PLCH2: variants seen among roughly 807,000 people sequenced by gnomAD.
The protein encoded by PLCH2 is 1-phosphatidylinositol 4,5-bisphosphate phosphodiesterase eta-2.
In PLCH2, 98 loss-of-function variants were observed where a neutral mutation model predicts 134.7. The observed-to-expected ratio is 0.73, with a 90% CI of 0.62 to 0.86. The LOEUF (loss-of-function observed/expected upper bound fraction) is 0.86, where lower values mean the gene tolerates loss of function less well. Among genes scored for constraint, PLCH2 ranks in the 40% least tolerant of loss-of-function variants. The probability of loss-of-function intolerance (pLI) is 0.00; values close to 1 mark genes in which losing one functional copy is unlikely to be tolerated. For missense variants in PLCH2, 1,994 were observed against 1,986.6 expected, an observed-to-expected ratio of 1.00 and a Z score of -0.07; for synonymous variants, 974 against 827.5, an observed-to-expected ratio of 1.18 and a Z score of -3.04.
intron 8 of PLCH2, 92 bp from the exon 9 acceptor site, chr1:2,489,115 T>C (rs1256397358): frequency 6.0e-6 from 7 of 1,166,534 alleles, no homozygotes; most frequent in Non-Finnish European, 8.6e-6. Flanking sequence ...CCTCATTCAA[T>C]GGTTTAGATG....
chr1:2,420,639 AGAGG>A, the PLCH2 span, among the ~76,000 whole-genome samples: 1 of 152,276 alleles, frequency 6.6e-6, no homozygotes, highest in East Asian at 1.9e-4. Context: ...ACTGAGTCAG[AGAGG>A]GAGAGTTTAA....
intron 11 of PLCH2, 146 bp from the exon 12 acceptor site, chr1:2,494,710 C>T (rs2182177): frequency 3.7e-6 from 2 of 544,968 alleles, no homozygotes; most frequent in East Asian, 3.6e-5. Flanking sequence ...CCCCGCCCTG[C>T]CCTCCCCTCC....
intron 2 of PLCH2, among the ~76,000 whole-genome samples, chr1:2,454,851 T>G (rs1640412296): frequency 6.6e-6 from 1 of 152,130 alleles, no homozygotes; most frequent in Non-Finnish European, 1.5e-5. Context: ...AGTGGCAGTG[T>G]GGGTGAGACA....
intron 2 of PLCH2, among the ~76,000 whole-genome samples, chr1:2,443,052 T>C (rs970585661): frequency 6.6e-6 from 1 of 151,672 alleles, no homozygotes; most frequent in African/African-American, 2.4e-5. Context: ...AGTGGAAGAG[T>C]TGACTGGTGT....
In PLCH2 at chr1:2,448,212, G is replaced by A. The variant is rs1640029726; in HGVS notation, c.115+17583G>A. On this transcript the variant is annotated intron_variant, in intron 2 of 3. Coordinates refer to the PLCH2 transcript ENST00000609981. This position sits in a 1 kb window ranked among gnomAD's most constrained non-coding sequence, Gnocchi z 4.0. ...GAGGGGTGTGTTTCCTGCAGCTGCT[G>A]GGACCGGCTGCCGTGCACTGGCCAC... Among the ~76,000 whole-genome samples, 1 of 152,226 alleles carries A rather than the reference G, an allele frequency of 6.6e-6. No homozygotes were observed. The highest frequency in any genetic ancestry group is 1.5e-5 in the Non-Finnish European group (1 of 68,030).
rs749192490 is a variant in PLCH2, at chr1:2,504,873, G to A, written c.3911G>A (p.Arg1304His). The change falls in exon 22 of 22, where the codon CGC (arginine) becomes CAC (histidine). Residue 1304 changes from arginine to histidine, a missense_variant. Transcript: ENST00000378486. ...VRRDTLTEQL[R>H]WLTVFQQAGD... Reference sequence around the variant, plus strand: ...CGGGACACCCTGACAGAGCAGCTGCGCTGGCTCACTGTCTTCCAGCAGGCA... The same window carrying A: ...CGGGACACCCTGACAGAGCAGCTGCACTGGCTCACTGTCTTCCAGCAGGCA... 83 of 1,594,076 alleles carry A rather than the reference G, an allele frequency of 5.2e-5. 1 individual carries two copies. The highest frequency in any genetic ancestry group is 1.7e-5 in the Admixed American group (1 of 58,364).
intron 16 of PLCH2, 175 bp downstream of exon 16, chr1:2,497,784 G>A (rs750987204): frequency 2.5e-5 from 14 of 551,314 alleles, no homozygotes; most frequent in Non-Finnish European, 4.6e-5. Flanking sequence ...GGAGGTGGGT[G>A]GGGGAACCCT....
upstream of PLCH2, among the ~76,000 whole-genome samples, chr1:2,474,613 AAGGG>A (rs990672250): frequency 6.6e-6 from 1 of 151,926 alleles, no homozygotes; most frequent in African/African-American, 2.4e-5. Context: ...CTGAGAGCTC[AAGGG>A]AGGGAGGGAG....
chr1:2,499,839 C>G (rs1643118862), intron 20 of PLCH2, 119 bp downstream of exon 20: 1 of 790,954 alleles, frequency 1.3e-6, no homozygotes, highest in African/African-American at 1.7e-5. Flanking sequence ...GGCCTAGGGT[C>G]CCCTCCCCGG....
At chr1:2,442,445 G>A (rs1317987135) in intron 2 of PLCH2, among the ~76,000 whole-genome samples, 1 of 152,164 alleles carries the variant, frequency 6.6e-6, no homozygotes, top group African/African-American at 2.4e-5. Flanking sequence ...CCCACCCCTG[G>A]CCTCCTCCCT....
intron 2 of PLCH2, among the ~76,000 whole-genome samples, chr1:2,456,384 G>T (rs1640493852): frequency 2.0e-5 from 3 of 152,318 alleles, no homozygotes; most frequent in Admixed American, 2.0e-4. Flanking sequence ...GGCGGCCCTG[G>T]GGGGCGGGTG....
At chr1:2,464,616 C>T (rs1640970723), upstream of PLCH2, among the ~76,000 whole-genome samples, 1 of 152,208 alleles carries the variant, frequency 6.6e-6, no homozygotes, top group Admixed American at 6.5e-5. Context: ...CCTCCTGCTC[C>T]CCCAAGCCAA....
chr1:2,503,014 C>T (rs946360684), intron 21 of PLCH2: 14 of 714,934 alleles, frequency 2.0e-5, no homozygotes, highest in African/African-American at 3.5e-5. Context: ...CTCGTGTGCT[C>T]GTGCTCGTGG....
At chr1:2,495,607 C>A in intron 13 of PLCH2, 37 bp downstream of exon 13, 3 of 1,450,070 alleles carry the variant, frequency 2.1e-6, no homozygotes, top group Non-Finnish European at 2.8e-6. Flanking sequence ...CCCGCACACT[C>A]CTGGGAGCCT....
At chr1:2,482,051 C>T (rs1641998868) in intron 4 of PLCH2, among the ~76,000 whole-genome samples, 1 of 152,234 alleles carries the variant, frequency 6.6e-6, no homozygotes, top group Admixed American at 6.5e-5. Flanking sequence ...GGCCTAATTG[C>T]CAGAGTGCGC....
intron 2 of PLCH2, among the ~76,000 whole-genome samples, chr1:2,447,552 C>T (rs1639999323): frequency 6.6e-6 from 1 of 152,226 alleles, no homozygotes. Context: ...GGAGGGGCCG[C>T]TGACCCGGAG....
At chr1:2,419,965 C>A in the PLCH2 span, among the ~76,000 whole-genome samples, 1 of 150,786 alleles carries the variant, frequency 6.6e-6, no homozygotes, top group African/African-American at 2.4e-5. Flanking sequence ...GGCCAAGTCC[C>A]CCCCCCACCC....
chr1:2,481,393 C>T (rs1641962872), intron 4 of PLCH2, among the ~76,000 whole-genome samples: 1 of 152,236 alleles, frequency 6.6e-6, no homozygotes, highest in Non-Finnish European at 1.5e-5. Flanking sequence ...CGCCCCTTCT[C>T]CCTGCCTGCC....
At chr1:2,490,172 G>A (rs890687539) in intron 10 of PLCH2, among the ~76,000 whole-genome samples, 3 of 152,188 alleles carry the variant, frequency 2.0e-5, no homozygotes, top group African/African-American at 7.2e-5. Context: ...ACTGGGGGCT[G>A]GGTCCCACGC....
Sources: gnomAD v4.1 joint callset for allele counts (sites outside exome capture counted in the v4.1 genomes callset) on GRCh38, gnomAD v4.1.1 for gene constraint, Gnocchi (gnomAD v3.1) non-coding constraint, MANE v1.5 for transcripts, NCBI Gene and HGNC (gene_info 2026-07-23, HGNC 2026-07-21) for gene names.